The following ADAMTS18 variants were observed in gnomAD, a reference collection of about 807,000 sequenced individuals.
ADAMTS18 encodes A disintegrin and metalloproteinase with thrombospondin motifs 18.
ADAMTS18 carries 157 observed loss-of-function variants against 165.9 expected under a neutral mutation model. The ratio of observed to expected loss-of-function variants is 0.95; its 90% CI spans 0.83 to 1.08. ADAMTS18 has a LOEUF of 1.08. Ranked by LOEUF, ADAMTS18 falls within the 50% of genes least tolerant of loss-of-function variation. ADAMTS18 has a pLI of 0.00. For synonymous variants in ADAMTS18, 782 were observed against 578.2 expected (o/e 1.35, Z -5.06); for missense variants, 2,040 against 1,534.0 (o/e 1.33, Z -5.51).
At position 77,347,270 on chromosome 16, in the gene ADAMTS18, A is replaced by G. The variant is rs2144699837; in HGVS notation, c.1615-5471T>C. 1.3e-5 allele frequency among the ~76,000 whole-genome samples: 2 copies of G among 152,354 alleles called. 1 individual carries two copies. The highest frequency in any genetic ancestry group is 3.9e-4 in the East Asian group (2 of 5,184). On this transcript the variant is annotated intron_variant, in intron 10 of 22. Coordinates refer to ENST00000282849, the MANE Select transcript of ADAMTS18 (RefSeq NM_199355.4). ...TAGTAGCTGAGAATGTTCTTGGACA[A>G]GCCTTTTTATGAACACAGTCCTTTA...
intron 3 of ADAMTS18, among the ~76,000 whole-genome samples, chr16:77,385,767 G>A (rs964633906): frequency 1.3e-5 from 2 of 152,282 alleles, no homozygotes; most frequent in Admixed American, 1.3e-4. Context: ...GGGTGGGGTG[G>A]AAGAGCCAGA....
Position 77,284,324 on chromosome 16 carries a change from C to T in ADAMTS18, c.3551-253G>A, listed in dbSNP as rs1055869955. Among the ~76,000 whole-genome samples, 3 of 152,096 alleles carry T rather than the reference C, an allele frequency of 2.0e-5. No individual in the cohort carries two copies. The East Asian group carries it at 5.8e-4, about 29-fold the overall frequency. ...TATTTTTAGTAGAGACGGGGTTTTC[C>T]ACCATGCTGGCCAGGCTGGTCTCAA... On this transcript the variant is annotated intron_variant, in intron 22 of 22. Transcript: ENST00000282849.
chr16:77,336,467 A>G (rs917627086), intron 11 of ADAMTS18, among the ~76,000 whole-genome samples: 1 of 152,238 alleles, frequency 6.6e-6, no homozygotes, highest in African/African-American at 2.4e-5. Flanking sequence ...ACCCGTCACT[A>G]TAGAGCATTT....
intron 3 of ADAMTS18, among the ~76,000 whole-genome samples, chr16:77,371,524 G>A (rs2144752280): frequency 6.6e-6 from 1 of 152,188 alleles, no homozygotes; most frequent in Non-Finnish European, 1.5e-5. Flanking sequence ...AAAACACAGT[G>A]GGGAAAGGAC....
chr16:77,325,581 C>A (rs1253173580), intron 13 of ADAMTS18, among the ~76,000 whole-genome samples: 1 of 151,276 alleles, frequency 6.6e-6, no homozygotes, highest in Non-Finnish European at 1.5e-5. Context: ...GACTTAATTG[C>A]CAAAATGTCA....
In ADAMTS18 at chr16:77,431,402, CT is replaced by C. The variant is rs1302629016; in HGVS notation, c.387del (p.Asp130MetfsTer39). On this transcript the variant is annotated frameshift_variant, in exon 3 of 23. Transcript: ENST00000282849. LOFTEE classifies it high-confidence loss of function. ...GGTTTCTGAGTCTCTGAAGCACCAT[CT>C]TTTCCAAGTACCTGGACAATAAAGT... is the stretch of plus-strand genomic sequence containing the variant. The part of the protein sequence containing the change: ...SSHFIVQVLG[K>X]DGASETQKPE... The C allele has an allele frequency of 6.2e-7, 1 of 1,614,182 alleles. No individual in the cohort carries two copies.
At chr16:77,382,049 C>G (rs955440205) in intron 3 of ADAMTS18, among the ~76,000 whole-genome samples, 3 of 152,122 alleles carry the variant, frequency 2.0e-5, no homozygotes, top group African/African-American at 7.2e-5. Flanking sequence ...CAGGGCAGAA[C>G]TGGACTACTC....
intron 19 of ADAMTS18, 66 bp from the exon 20 acceptor site, chr16:77,293,324 AACAAC>A (rs951329113): frequency 2.2e-6 from 3 of 1,349,842 alleles, no homozygotes; most frequent in South Asian, 1.2e-5. Context: ...TAAAAAAAAA[AACAAC>A]ACACTAAATA....
intron 3 of ADAMTS18, among the ~76,000 whole-genome samples, chr16:77,385,788 A>C (rs528650928): frequency 6.6e-6 from 1 of 152,290 alleles, no homozygotes; most frequent in East Asian, 1.9e-4. Context: ...CATGACCACC[A>C]TGTTGGAAAC....
chr16:77,299,156 T>A (rs2055533210), intron 17 of ADAMTS18, among the ~76,000 whole-genome samples: 1 of 152,242 alleles, frequency 6.6e-6, no homozygotes, highest in Admixed American at 6.5e-5. Context: ...GTCTATAACA[T>A]GATTTCAGTA....
At chr16:77,420,002 T>TAAAAAAA (rs34486248) in intron 3 of ADAMTS18, among the ~76,000 whole-genome samples, 2 of 91,284 alleles carry the variant, frequency 2.2e-5, no homozygotes, top group Admixed American at 1.5e-4. Context: ...TGTCGCAGAT[T>TAAAAAAA]AAAAAAAAAA....
At chr16:77,311,568 C>T (rs1031369853) in intron 16 of ADAMTS18, among the ~76,000 whole-genome samples, 2 of 152,068 alleles carry the variant, frequency 1.3e-5, no homozygotes, top group African/African-American at 4.8e-5. Context: ...TAGAGAGATA[C>T]AAGCATGTGC....
At position 77,295,042 on chromosome 16, in the gene ADAMTS18, G is replaced by C. The variant is rs2055441282; in HGVS notation, c.2887C>G (p.Pro963Ala). 1.2e-6 allele frequency: 2 copies of C among 1,614,158 alleles called. No individual in the cohort carries two copies. The highest frequency in any genetic ancestry group is 1.1e-5 in the South Asian group (1 of 91,078). The change falls in exon 19 of 23, where the codon CCC (proline) becomes GCC (alanine). Residue 963 changes from proline to alanine, a missense_variant. By Grantham distance (27) the Pro-to-Ala change is conservative (BLOSUM62 -1). Transcript: ENST00000282849. ...AACACTGCTTCCTCCTTTTGGAAGG[G>C]CTTCTTTTGCACACACTGGATCTTT... The part of the protein sequence containing the change: ...SRKIQCVQKK[P>A]FQKEEAVLHS...
intron 12 of ADAMTS18, among the ~76,000 whole-genome samples, chr16:77,334,031 A>AATATATGCTATATATAAGATACAGTGCT (rs2056237374): frequency 1.1e-5 from 1 of 94,598 alleles, no homozygotes; most frequent in African/African-American, 4.6e-5. Flanking sequence ...TATACAGTGC[A>AATATATGCTATATATAAGATACAGTGCT]ATATATGCTA....
chr16:77,322,154 C>CAAAA (rs36089291), intron 14 of ADAMTS18, among the ~76,000 whole-genome samples, 182 bp downstream of exon 14: 5 of 73,338 alleles, frequency 6.8e-5, no homozygotes, highest in Non-Finnish European at 9.8e-5. Context: ...AATTTCATCT[C>CAAAA]AAAAAAAAAA....
chr16:77,363,973 G>C, intron 5 of ADAMTS18, 88 bp from the exon 6 acceptor site: 1 of 1,356,806 alleles, frequency 7.4e-7, no homozygotes, highest in Non-Finnish European at 1.0e-6. Flanking sequence ...AAGTACGCAG[G>C]CTTTAATTTT....
intron 3 of ADAMTS18, among the ~76,000 whole-genome samples, chr16:77,381,569 C>T (rs75468702): frequency 0.086 from 13,019 of 151,958 alleles, 752 homozygotes; most frequent in East Asian, 0.25. Flanking sequence ...TTTGGGAGGC[C>T]GCGGCAGGTG....
At chr16:77,372,582 T>C (rs1027789497) in intron 3 of ADAMTS18, among the ~76,000 whole-genome samples, 15 of 152,194 alleles carry the variant, frequency 9.9e-5, no homozygotes, top group African/African-American at 3.4e-4. Flanking sequence ...GTTTCAGGCA[T>C]TGCCATAAAC....
At chr16:77,394,060 T>C (rs1433730080) in intron 3 of ADAMTS18, among the ~76,000 whole-genome samples, 1 of 152,214 alleles carries the variant, frequency 6.6e-6, no homozygotes. Flanking sequence ...ATTTTATTTG[T>C]TTTTCAAGAC....
Sources: gnomAD v4.1 joint callset for allele counts (sites outside exome capture counted in the v4.1 genomes callset) on GRCh38, gnomAD v4.1.1 for gene constraint, MANE v1.5 for transcripts, NCBI Gene and HGNC (gene_info 2026-07-23, HGNC 2026-07-21) for gene names.